The following PIR variants were observed in gnomAD, a reference collection of about 807,000 sequenced individuals.
The protein encoded by PIR is pirin, also known as pirin (iron-binding nuclear protein).
A neutral mutation model predicts 24.2 loss-of-function variants in PIR; 22 were observed. The ratio of observed to expected loss-of-function variants is 0.91; its 90% CI spans 0.65 to 1.30. The LOEUF (loss-of-function observed/expected upper bound fraction) is 1.30, where lower values mean the gene tolerates loss of function less well. PIR is among the 50% of genes most tolerant of loss of function. PIR has a pLI of 0.00. For synonymous variants in PIR, 80 were observed against 79.6 expected (o/e 1.00, Z -0.03); for missense variants, 220 against 220.3 (o/e 1.00, Z 0.01).
intron 3 of PIR, among the ~76,000 whole-genome samples, chrX:15,460,919 A>C: frequency 8.9e-6 from 1 of 111,741 alleles, no homozygotes; most frequent in Non-Finnish European, 1.9e-5. Flanking sequence ...TTTTCCACAG[A>C]AAATTTGTTG....
intron 3 of PIR, among the ~76,000 whole-genome samples, chrX:15,477,577 G>A (rs1158347600): frequency 8.9e-6 from 1 of 111,757 alleles, no homozygotes; most frequent in Non-Finnish European, 1.9e-5. Context: ...TATTTTCTCC[G>A]TAAGGCACAT....
chrX:15,445,867 T>A (rs1299531047), intron 5 of PIR, among the ~76,000 whole-genome samples: 1 of 88,245 alleles, frequency 1.1e-5, no homozygotes, highest in Non-Finnish European at 2.2e-5. Context: ...TCTCGCTCTG[T>A]CGCCCAGGCT....
intron 4 of PIR, among the ~76,000 whole-genome samples, chrX:15,456,267 C>T (rs1326532353): frequency 8.9e-6 from 1 of 112,358 alleles, no homozygotes; most frequent in Non-Finnish European, 1.9e-5. Context: ...TTGAAATCAA[C>T]ACATCGGAAC....
At chrX:15,437,412 A>G (rs1055519039) in intron 5 of PIR, among the ~76,000 whole-genome samples, 1 of 111,887 alleles carries the variant, frequency 8.9e-6, no homozygotes, top group Non-Finnish European at 1.9e-5. Flanking sequence ...ATACACCATT[A>G]TGGCAATGGA....
chrX:15,417,932 C>A (rs1235112025), intron 6 of PIR, among the ~76,000 whole-genome samples: 1 of 111,756 alleles, frequency 8.9e-6, no homozygotes, highest in Non-Finnish European at 1.9e-5. Flanking sequence ...GTCACATCTG[C>A]AAAGTCGTTT....
At chrX:15,437,720 A>G (rs1925794019) in intron 5 of PIR, among the ~76,000 whole-genome samples, 1 of 112,813 alleles carries the variant, frequency 8.9e-6, no homozygotes, top group Non-Finnish European at 1.9e-5. Flanking sequence ...TATTACCAGC[A>G]TCTGCTAGCC....
intron 2 of PIR, among the ~76,000 whole-genome samples, chrX:15,490,582 A>C (rs748178558): frequency 8.9e-6 from 1 of 111,996 alleles, no homozygotes; most frequent in African/African-American, 3.3e-5. Context: ...AACATTCTCT[A>C]AAGTTGAAAG....
intron 6 of PIR, among the ~76,000 whole-genome samples, chrX:15,409,319 G>A (rs1018703586): frequency 9.3e-6 from 1 of 107,242 alleles, no homozygotes; most frequent in Non-Finnish European, 1.9e-5. Context: ...GGATGGTCTC[G>A]ATCTCCTGAC....
At chrX:15,474,087 C>A (rs946668539) in intron 3 of PIR, among the ~76,000 whole-genome samples, 5 of 110,819 alleles carry the variant, frequency 4.5e-5, no homozygotes, top group Non-Finnish European at 9.5e-5. Flanking sequence ...TTTAACGGAC[C>A]AAGAAAAAAA....
chrX:15,416,228 G>T, intron 6 of PIR, among the ~76,000 whole-genome samples: 1 of 111,840 alleles, frequency 8.9e-6, no homozygotes, highest in Non-Finnish European at 1.9e-5. Context: ...AACTGTGATT[G>T]AATAGTCTAA....
At chrX:15,484,238 C>T (rs1922665671) in intron 2 of PIR, among the ~76,000 whole-genome samples, 2 of 107,174 alleles carry the variant, frequency 1.9e-5, no homozygotes, top group Admixed American at 2.0e-4. Flanking sequence ...TGTGAATGAA[C>T]TATTAAAAGC....
chrX:15,397,604 CTATA>C, intron 7 of PIR, 73 bp from the exon 8 acceptor site: 1 of 609,086 alleles, frequency 1.6e-6, no homozygotes, highest in Non-Finnish European at 2.7e-6. Flanking sequence ...ATTTGGTTAA[CTATA>C]TAGCACCACA....
intron 6 of PIR, among the ~76,000 whole-genome samples, chrX:15,418,289 A>G: frequency 9.0e-6 from 1 of 111,638 alleles, no homozygotes; most frequent in South Asian, 3.8e-4. Context: ...GGACATGAGG[A>G]CAAGAAGGCA....
At chrX:15,408,247 G>A (rs1924613340) in intron 6 of PIR, among the ~76,000 whole-genome samples, 1 of 111,709 alleles carries the variant, frequency 9.0e-6, no homozygotes, top group East Asian at 2.8e-4. Context: ...GTGAGCCACC[G>A]TACCCGGCCT....
chrX:15,488,550 A>C (rs1478403264), intron 2 of PIR, among the ~76,000 whole-genome samples: 1 of 111,748 alleles, frequency 8.9e-6, no homozygotes, highest in Non-Finnish European at 1.9e-5. Flanking sequence ...ATAACATGGG[A>C]AGTCCTTATG....
rs371317022 is a variant in PIR, at chrX:15,410,255, A to AAAAACAAAACAAAAC, written c.566-2720_566-2706dup. ...GACAGAGCAAGACTCTGTCTCGGAAAAAAACAAAACAAAACAAAACAAAAC... is the reference window on the plus strand; with the variant it reads ...GACAGAGCAAGACTCTGTCTCGGAAAAAAACAAAACAAAACAAAACAAAACAAAACAAAACAAAAC... On this transcript the variant is annotated intron_variant, in intron 6 of 9. Transcript: ENST00000380420. Among the ~76,000 whole-genome samples the AAAAACAAAACAAAAC allele has an allele frequency of 3.3e-3, 366 of 110,695 alleles. 1 individual carries two copies. Among genetic ancestry groups the AAAAACAAAACAAAAC allele is most frequent in the African/African-American group, 0.012 (349 of 29,870 alleles).
chrX:15,434,090 G>A (rs1386927508), intron 5 of PIR, among the ~76,000 whole-genome samples: 1 of 77,224 alleles, frequency 1.3e-5, no homozygotes, highest in Admixed American at 1.5e-4. Context: ...AAGGAGAAAG[G>A]AGGAGGAGGG....
intron 7 of PIR, among the ~76,000 whole-genome samples, chrX:15,405,565 T>C (rs1050332543): frequency 1.8e-5 from 2 of 112,867 alleles, no homozygotes; most frequent in Non-Finnish European, 3.7e-5. Flanking sequence ...TCATGTGCTT[T>C]CTTCATTTCC....
chrX:15,461,389 C>T (rs1227459993), intron 3 of PIR, among the ~76,000 whole-genome samples: 1 of 112,641 alleles, frequency 8.9e-6, no homozygotes, highest in Non-Finnish European at 1.9e-5. Flanking sequence ...TTTCCAGGGA[C>T]ATGTCCATAC....
Sources: gnomAD v4.1 joint callset for allele counts (sites outside exome capture counted in the v4.1 genomes callset) on GRCh38, gnomAD v4.1.1 for gene constraint, MANE v1.5 for transcripts, NCBI Gene and HGNC (gene_info 2026-07-23, HGNC 2026-07-21) for gene names.